The following CERS3 variants were observed in gnomAD, a reference collection of about 807,000 sequenced individuals.
CERS3 encodes the protein LAG1 homolog, ceramide synthase 3.
A neutral mutation model predicts 50.3 loss-of-function variants in CERS3; 33 were observed. The observed-to-expected ratio is 0.66, with a 90% CI of 0.50 to 0.88. The LOEUF is 0.88. Ranked by LOEUF, CERS3 falls within the 40% of genes least tolerant of loss-of-function variation. CERS3 has a pLI of 0.00. For missense variants in CERS3, 470 were observed against 460.3 expected (o/e 1.02, Z -0.19); for synonymous variants, 176 against 155.2 (o/e 1.13, Z -0.99).
intron 2 of CERS3, among the ~76,000 whole-genome samples, chr15:100,520,143 CAGCATAATGCT>C (rs2036600776): frequency 6.6e-6 from 1 of 152,196 alleles, no homozygotes; most frequent in Non-Finnish European, 1.5e-5. Flanking sequence ...AGTGACAGCA[CAGCATAATGCT>C]AGGCCTGGAG....
chr15:100,493,771 CCT>C (rs2035721600), intron 3 of CERS3, among the ~76,000 whole-genome samples: 1 of 152,056 alleles, frequency 6.6e-6, no homozygotes, highest in Admixed American at 6.6e-5. Flanking sequence ...TGCTATTGAG[CCT>C]CTCTCATGAA....
chr15:100,510,739 A>G (rs1232309212), intron 2 of CERS3, among the ~76,000 whole-genome samples: 3 of 152,168 alleles, frequency 2.0e-5, no homozygotes, highest in Admixed American at 6.5e-5. Context: ...ATAGCTGGAG[A>G]TGTGGCTGAC....
At chr15:100,522,564 C>A (rs959919320) in intron 1 of CERS3, among the ~76,000 whole-genome samples, 2 of 152,206 alleles carry the variant, frequency 1.3e-5, no homozygotes, top group Non-Finnish European at 2.9e-5. Context: ...GTTTTGAGCA[C>A]ATTCCTGGCA....
At chr15:100,421,610 G>T (rs977894068) in intron 11 of CERS3, among the ~76,000 whole-genome samples, 7 of 149,142 alleles carry the variant, frequency 4.7e-5, no homozygotes, top group African/African-American at 9.9e-5. Context: ...AACCAAAAAA[G>T]AGCCCGCATC....
chr15:100,464,173 G>A (rs1199206544), intron 10 of CERS3, among the ~76,000 whole-genome samples: 2 of 152,120 alleles, frequency 1.3e-5, no homozygotes, highest in East Asian at 1.9e-4. Flanking sequence ...AACCTTACAA[G>A]CATATGTATC....
chr15:100,517,114 T>C (rs2036511512), intron 2 of CERS3, among the ~76,000 whole-genome samples: 1 of 152,242 alleles, frequency 6.6e-6, no homozygotes, highest in Middle Eastern at 3.2e-3. Context: ...GTCCTGTCAC[T>C]GAATAGCTAA....
intron 9 of CERS3, among the ~76,000 whole-genome samples, chr15:100,472,135 T>C (rs2034988280): frequency 6.6e-6 from 1 of 152,216 alleles, no homozygotes; most frequent in African/African-American, 2.4e-5. Flanking sequence ...CCTTCAAAAG[T>C]AATCCCAAAT....
chr15:100,411,465 T>G (rs1567591024), intron 11 of CERS3, among the ~76,000 whole-genome samples: 1 of 152,146 alleles, frequency 6.6e-6, no homozygotes, highest in Non-Finnish European at 1.5e-5. Context: ...CCTGGCCAAA[T>G]TTCCTTCCTT....
chr15:100,543,688 C>T (rs1008332833), intron 1 of CERS3, among the ~76,000 whole-genome samples: 8 of 152,108 alleles, frequency 5.3e-5, no homozygotes, highest in Admixed American at 6.6e-5. Context: ...CACCACCACG[C>T]TCGGCTTATT....
At chr15:100,539,665 C>T (rs2037153539) in intron 1 of CERS3, among the ~76,000 whole-genome samples, 2 of 152,212 alleles carry the variant, frequency 1.3e-5, no homozygotes, top group South Asian at 4.2e-4. Context: ...CTGGTCTTTC[C>T]CTCGACACAT....
chr15:100,424,234 C>A (rs2142099579), intron 11 of CERS3, among the ~76,000 whole-genome samples: 1 of 152,236 alleles, frequency 6.6e-6, no homozygotes, highest in Admixed American at 6.5e-5. Flanking sequence ...AGCCACCATG[C>A]CTGGCCAGAT....
chr15:100,508,395 A>C (rs1033233992), intron 2 of CERS3, among the ~76,000 whole-genome samples: 1 of 152,224 alleles, frequency 6.6e-6, no homozygotes, highest in Non-Finnish European at 1.5e-5. Flanking sequence ...GAAAAAAAAC[A>C]TATCACCTAT....
At chr15:100,544,169 C>G (rs968126001) in intron 1 of CERS3, 2 of 152,380 alleles carry the variant, frequency 1.3e-5, no homozygotes, top group Admixed American at 6.5e-5. Context: ...ACCCAGCAAC[C>G]CTCTTCTCAA....
At chr15:100,536,593 G>T (rs1209464258) in intron 1 of CERS3, among the ~76,000 whole-genome samples, 1 of 152,158 alleles carries the variant, frequency 6.6e-6, no homozygotes, top group Non-Finnish European at 1.5e-5. Context: ...CCTAAGTTGT[G>T]GATTTTAAAT....
At chr15:100,512,378 C>A (rs562194553) in intron 2 of CERS3, among the ~76,000 whole-genome samples, 1 of 152,320 alleles carries the variant, frequency 6.6e-6, no homozygotes, top group South Asian at 2.1e-4. Flanking sequence ...CAACCCCCAG[C>A]TGCCAGCAGA....
intron 11 of CERS3, among the ~76,000 whole-genome samples, chr15:100,438,217 G>A (rs1039750838): frequency 4.6e-5 from 7 of 151,214 alleles, no homozygotes; most frequent in African/African-American, 1.7e-4. Context: ...GCTAATTTTT[G>A]TATTTTTAGT....
intron 11 of CERS3, among the ~76,000 whole-genome samples, chr15:100,451,261 A>G (rs2034153908): frequency 6.6e-6 from 1 of 152,268 alleles, no homozygotes; most frequent in Admixed American, 6.5e-5. Context: ...TTAATTAATA[A>G]AATGACAGAA....
chr15:100,543,529 CTTTCTT>C (rs1421527318), intron 1 of CERS3, among the ~76,000 whole-genome samples: 2 of 116,074 alleles, frequency 1.7e-5, no homozygotes, highest in Admixed American at 1.9e-4. Context: ...TCCTTCCTTT[CTTTCTT>C]TTTTTTTTTT....
At chr15:100,516,701 T>C (rs530999591) in intron 2 of CERS3, among the ~76,000 whole-genome samples, 1 of 152,386 alleles carries the variant, frequency 6.6e-6, no homozygotes, top group African/African-American at 2.4e-5. Context: ...TCTCTCTCAC[T>C]ACTGGATATA....
Sources: gnomAD v4.1 joint callset for allele counts (sites outside exome capture counted in the v4.1 genomes callset) on GRCh38, gnomAD v4.1.1 for gene constraint, MANE v1.5 for transcripts, NCBI Gene and HGNC (gene_info 2026-07-23, HGNC 2026-07-21) for gene names.